MCC: variants seen among roughly 807,000 people sequenced by gnomAD.
MCC encodes the protein colorectal mutant cancer protein.
Under a neutral mutation model 116.2 loss-of-function variants are expected in MCC, and 90 were observed. The ratio of observed to expected loss-of-function variants is 0.77; its 90% CI spans 0.65 to 0.92. MCC has a LOEUF of 0.92. Ranked by LOEUF, MCC falls within the 40% of genes least tolerant of loss-of-function variation. The probability of loss-of-function intolerance (pLI) is 0.00; values close to 1 mark genes in which losing one functional copy is unlikely to be tolerated. For missense variants in MCC, 1,516 were observed against 1,312.2 expected (o/e 1.16, Z -2.40); for synonymous variants, 578 against 510.5 (o/e 1.13, Z -1.78).
intron 13 of MCC, among the ~76,000 whole-genome samples, chr5:113,064,808 C>G (rs1025786202): frequency 6.6e-6 from 1 of 152,180 alleles, no homozygotes; most frequent in Admixed American, 6.5e-5. Flanking sequence ...GGCACTCGCA[C>G]AGACCAGGCA....
chr5:113,268,344 C>T (rs1765490329), intron 3 of MCC, among the ~76,000 whole-genome samples: 1 of 152,200 alleles, frequency 6.6e-6, no homozygotes, highest in Admixed American at 6.5e-5. Flanking sequence ...CTGTGACTAA[C>T]ACACGTGCAC....
chr5:113,253,710 G>A (rs1417894291), intron 3 of MCC, among the ~76,000 whole-genome samples: 3 of 152,042 alleles, frequency 2.0e-5, no homozygotes, highest in African/African-American at 4.8e-5. Context: ...AAATGAAACC[G>A]ATCCCAGAGA....
chr5:113,062,023 G>A (rs1222750312), intron 14 of MCC, among the ~76,000 whole-genome samples: 1 of 152,194 alleles, frequency 6.6e-6, no homozygotes, highest in African/African-American at 2.4e-5. Context: ...CTAAGAATGT[G>A]GAGTGACAAA....
intron 3 of MCC, among the ~76,000 whole-genome samples, chr5:113,312,932 T>C (rs1767170265): frequency 6.6e-6 from 1 of 152,194 alleles, no homozygotes; most frequent in Non-Finnish European, 1.5e-5. Context: ...TGATTGGCAC[T>C]GGAGAGACAC....
At chr5:113,263,883 G>T (rs1765308686) in intron 3 of MCC, among the ~76,000 whole-genome samples, 1 of 150,516 alleles carries the variant, frequency 6.6e-6, no homozygotes, top group South Asian at 2.1e-4. Context: ...GAATAAAAAA[G>T]GAAAGAAGGA....
At position 113,229,171 on chromosome 5, in the gene MCC, T is replaced by TG. The variant is rs147752617; in HGVS notation, c.628-77750dup. Among the ~76,000 whole-genome samples the TG allele has an allele frequency of 1.9e-3, 296 of 151,928 alleles. 1 individual carries two copies. Among genetic ancestry groups the TG allele is most frequent in the African/African-American group, 6.9e-3 (285 of 41,442 alleles). ...CTTTAGGACATCCCAACATGGCGGA[T>TG]GGGGAGGGGCTGAAGAATCGGCAGA... On this transcript the variant is annotated intron_variant, in intron 3 of 18. Transcript: ENST00000408903.
chr5:113,336,167 T>C (rs897181254), intron 3 of MCC, among the ~76,000 whole-genome samples: 4 of 151,546 alleles, frequency 2.6e-5, no homozygotes, highest in African/African-American at 7.3e-5. Flanking sequence ...ATCCCACCCA[T>C]GAGGGTGGAG....
chr5:113,246,372 G>C (rs535784732), intron 3 of MCC, among the ~76,000 whole-genome samples: 7 of 152,284 alleles, frequency 4.6e-5, no homozygotes, highest in African/African-American at 1.7e-4. Context: ...TCTTGATTTA[G>C]AGGAAGAGGG....
At chr5:113,455,391 C>A (rs777158940) in intron 1 of MCC, among the ~76,000 whole-genome samples, 2 of 152,114 alleles carry the variant, frequency 1.3e-5, no homozygotes, top group Non-Finnish European at 2.9e-5. Context: ...ACCATCACCA[C>A]CACCACCCCA....
In MCC at chr5:113,343,525, G is replaced by A. The variant is rs138107560; in HGVS notation, c.416-2795C>T. On this transcript the variant is annotated intron_variant, in intron 2 of 18. Coordinates refer to ENST00000408903, the MANE Select transcript of MCC (RefSeq NM_001085377.2). ...GCAACATGTGGCAAGAAGACTAACA[G>A]AGGTCAGCGTTGAAAAGTGGAGTCC... Among the ~76,000 whole-genome samples the A allele has an allele frequency of 7.5e-4, 115 of 152,330 alleles. 1 individual carries two copies. The Middle Eastern group carries it at 0.014, about 18-fold the overall frequency.
chr5:113,397,769 A>G (rs569575561), intron 1 of MCC, among the ~76,000 whole-genome samples: 12 of 152,338 alleles, frequency 7.9e-5, no homozygotes, highest in African/African-American at 2.9e-4. Context: ...TCTTCTGAAC[A>G]TTGGCCTTGG....
intron 2 of MCC, among the ~76,000 whole-genome samples, chr5:113,379,607 C>A (rs1349642695): frequency 6.6e-6 from 1 of 152,106 alleles, no homozygotes; most frequent in East Asian, 1.9e-4. Flanking sequence ...TTGTCTCATG[C>A]TAATAAATAC....
chr5:113,194,766 G>A (rs114134578), intron 3 of MCC, among the ~76,000 whole-genome samples: 13 of 152,308 alleles, frequency 8.5e-5, no homozygotes, highest in South Asian at 8.3e-4. Flanking sequence ...ATGCTGCTCC[G>A]TAGAAAGATT....
At chr5:113,260,083 A>G (rs930425186) in intron 3 of MCC, among the ~76,000 whole-genome samples, 5 of 149,326 alleles carry the variant, frequency 3.3e-5, no homozygotes, top group Non-Finnish European at 7.5e-5. Context: ...TCAACTCTGG[A>G]AAAAAAAAAC....
At chr5:113,051,601 T>A (rs1167712853) in intron 15 of MCC, among the ~76,000 whole-genome samples, 1 of 152,082 alleles carries the variant, frequency 6.6e-6, no homozygotes, top group Non-Finnish European at 1.5e-5. Flanking sequence ...AGTGCATTCC[T>A]GTAGTCCCGG....
chr5:113,216,083 G>A (rs1236295025), intron 3 of MCC, among the ~76,000 whole-genome samples: 2 of 152,168 alleles, frequency 1.3e-5, no homozygotes, highest in South Asian at 4.1e-4. Flanking sequence ...TGTGAATAAA[G>A]TTTTATTGGA....
At chr5:113,450,187 T>G (rs1771349173) in intron 1 of MCC, among the ~76,000 whole-genome samples, 1 of 152,052 alleles carries the variant, frequency 6.6e-6, no homozygotes, top group South Asian at 2.1e-4. Flanking sequence ...AAGTTCACAG[T>G]TAAAATAAGA....
At chr5:113,440,044 T>C (rs1226052984) in intron 1 of MCC, among the ~76,000 whole-genome samples, 1 of 152,152 alleles carries the variant, frequency 6.6e-6, no homozygotes, top group Non-Finnish European at 1.5e-5. Flanking sequence ...ATTACAGGCT[T>C]GAGCCACTGT....
At chr5:113,201,037 CAG>C (rs1476066272) in intron 3 of MCC, among the ~76,000 whole-genome samples, 3 of 152,102 alleles carry the variant, frequency 2.0e-5, no homozygotes, top group Admixed American at 1.3e-4. Context: ...ACCCCTTACA[CAG>C]GGGGAAAAAG....
Sources: allele counts gnomAD v4.1 joint callset (sites outside exome capture counted in the v4.1 genomes callset), GRCh38; gene constraint gnomAD v4.1.1; transcripts MANE v1.5; gene names NCBI Gene and HGNC (gene_info 2026-07-23, HGNC 2026-07-21).